Variants in GXYLT1 observed in about 807,000 individuals in gnomAD.
GXYLT1 encodes the protein glucoside xylosyltransferase 1, also known as glycosyltransferase 8 domain containing 3.
In GXYLT1, 29 loss-of-function variants were observed where a neutral mutation model predicts 54.0. The ratio of observed to expected loss-of-function variants is 0.54; its 90% CI spans 0.40 to 0.73. The LOEUF (loss-of-function observed/expected upper bound fraction) is 0.73, where lower values mean the gene tolerates loss of function less well. Ranked by LOEUF, GXYLT1 falls within the 30% of genes least tolerant of loss-of-function variation. The probability of loss-of-function intolerance (pLI) is 0.00; values close to 1 mark genes in which losing one functional copy is unlikely to be tolerated. For synonymous variants in GXYLT1, 176 were observed against 204.1 expected, an observed-to-expected ratio of 0.86 and a Z score of 1.17; for missense variants, 490 against 553.4, an observed-to-expected ratio of 0.89 and a Z score of 1.15.
Position 42,144,590 on chromosome 12 carries a change from G to A in GXYLT1, c.57C>T (p.Leu19=), listed in dbSNP as rs773347678. Residue 19 remains leucine (L), a synonymous_variant, in exon 1 of 8, where the codon CTC becomes CTT. Coordinates refer to ENST00000398675, the MANE Select transcript of GXYLT1 (RefSeq NM_173601.2). ...VLCVACGFCS[L]LYAFSQLAVS... ...CGGCGAGCTGGCTGAAAGCGTAAAG[G>A]AGCGAGCAGAAGCCGCAGGCCACAC... The A allele has an allele frequency of 3.5e-5, 52 of 1,475,204 alleles. No homozygotes were observed. Among genetic ancestry groups the A allele is most frequent in the Non-Finnish European group, 4.5e-5 (50 of 1,111,650 alleles). 91.4% of individuals were successfully genotyped at this position (1,475,204 alleles called of 1,614,324 possible).
chr12:42,097,149 G>A (rs7959852), intron 7 of GXYLT1, among the ~76,000 whole-genome samples: 79,350 of 151,528 alleles, frequency 0.52, 21,018 homozygotes, highest in South Asian at 0.69. Context: ...GTTAATAAAA[G>A]AGCGTCCTTA....
intron 4 of GXYLT1, among the ~76,000 whole-genome samples, chr12:42,109,112 G>A (rs555066097): frequency 2.0e-4 from 31 of 152,234 alleles, no homozygotes; most frequent in African/African-American, 7.2e-4. Flanking sequence ...TTCTGTTTAA[G>A]TATCAGTTAC....
chr12:42,100,494 A>G (rs2065383706), intron 5 of GXYLT1, among the ~76,000 whole-genome samples: 1 of 152,082 alleles, frequency 6.6e-6, no homozygotes, highest in African/African-American at 2.4e-5. Flanking sequence ...TATAATTTAT[A>G]TTAAATTCAG....
Position 42,144,476 on chromosome 12 carries a change from C to G in GXYLT1, c.171G>C (p.Val57=), listed in dbSNP as rs967849297. 7.6e-7 allele frequency: 1 copy of G among 1,318,106 alleles called. No individual in the cohort carries two copies. The highest frequency in any genetic ancestry group is 1.6e-5 in the African/African-American group (1 of 61,830). 81.7% of individuals were successfully genotyped at this position (1,318,106 alleles called of 1,614,324 possible). The change falls in exon 1 of 8, where the codon GTG becomes GTC. Residue 57 remains valine (V), a synonymous_variant. Transcript: ENST00000398675. The part of the protein sequence containing the change: ...SWLAGGGRGA[V]RGAGVAGPAA... ...CGGGGCCCGCGACGCCGGCGCCTCT[C>G]ACGGCGCCGCGTCCGCCGCCCGCGA...
intron 1 of GXYLT1, among the ~76,000 whole-genome samples, chr12:42,139,714 C>T (rs929555976): frequency 6.6e-6 from 1 of 152,262 alleles, no homozygotes; most frequent in Admixed American, 6.5e-5. Flanking sequence ...AAATATGTAA[C>T]GTAGATACCA....
intron 2 of GXYLT1, among the ~76,000 whole-genome samples, chr12:42,129,205 CAG>C (rs1337449105): frequency 6.6e-6 from 1 of 152,046 alleles, no homozygotes; most frequent in Non-Finnish European, 1.5e-5. Context: ...CTTCATTATC[CAG>C]AGAAGTGAAT....
intron 5 of GXYLT1, among the ~76,000 whole-genome samples, chr12:42,102,545 A>C (rs1024810881): frequency 1.3e-5 from 2 of 152,206 alleles, no homozygotes; most frequent in Non-Finnish European, 2.9e-5. Context: ...TCTTAATATA[A>C]AGCTGTATAA....
At chr12:42,120,571 C>A (rs150691245) in intron 2 of GXYLT1, among the ~76,000 whole-genome samples, 11 of 152,130 alleles carry the variant, frequency 7.2e-5, no homozygotes, top group African/African-American at 2.7e-4. Context: ...CACTCTATCA[C>A]CCATGATGGA....
intron 4 of GXYLT1, among the ~76,000 whole-genome samples, chr12:42,107,655 C>T (rs541577160): frequency 6.6e-5 from 10 of 152,068 alleles, no homozygotes; most frequent in South Asian, 4.2e-4. Context: ...TGCGCCAGTA[C>T]ACTCCAGACT....
chr12:42,142,494 A>T (rs996152221), intron 1 of GXYLT1, among the ~76,000 whole-genome samples: 1 of 151,466 alleles, frequency 6.6e-6, no homozygotes, highest in South Asian at 2.1e-4. Flanking sequence ...GAAACACCAC[A>T]TTCAGTTAAT....
intron 1 of GXYLT1, among the ~76,000 whole-genome samples, chr12:42,143,162 A>C (rs2065661344): frequency 6.6e-6 from 1 of 152,220 alleles, no homozygotes; most frequent in South Asian, 2.1e-4. Context: ...AATTTCATTC[A>C]ATATTTAATT....
intron 6 of GXYLT1, 77 bp from the exon 7 acceptor site, chr12:42,097,691 TA>T: frequency 7.7e-7 from 1 of 1,298,292 alleles, no homozygotes; most frequent in Non-Finnish European, 1.1e-6. Context: ...AACTTTCAGT[TA>T]AAAAATACAG....
At chr12:42,107,385 G>C (rs962558510) in intron 4 of GXYLT1, among the ~76,000 whole-genome samples, 3 of 152,104 alleles carry the variant, frequency 2.0e-5, no homozygotes, top group Non-Finnish European at 4.4e-5. Flanking sequence ...CTTGGTCAAA[G>C]ACCTCAACTA....
At chr12:42,121,611 G>A (rs1346430773) in intron 2 of GXYLT1, among the ~76,000 whole-genome samples, 1 of 151,854 alleles carries the variant, frequency 6.6e-6, no homozygotes, top group African/African-American at 2.4e-5. Context: ...CAGCCTGGGT[G>A]CTGGGCGATG....
chr12:42,096,610 G>A (rs7135456), intron 7 of GXYLT1, among the ~76,000 whole-genome samples: 78,126 of 152,020 alleles, frequency 0.51, 20,512 homozygotes, highest in South Asian at 0.69. Context: ...TATGTGGAAG[G>A]AGTGCTATTG....
chr12:42,118,260 T>C (rs1232538097), intron 3 of GXYLT1, among the ~76,000 whole-genome samples: 1 of 152,138 alleles, frequency 6.6e-6, no homozygotes, highest in Non-Finnish European at 1.5e-5. Context: ...AATCAAGAAT[T>C]CTCTCCTCTC....
intron 7 of GXYLT1, among the ~76,000 whole-genome samples, chr12:42,093,232 G>C (rs982300459): frequency 7.9e-5 from 12 of 151,990 alleles, no homozygotes; most frequent in African/African-American, 2.9e-4. Context: ...CAAGTAGCTG[G>C]GATTACAGGC....
intron 3 of GXYLT1, among the ~76,000 whole-genome samples, chr12:42,112,790 A>G (rs1398436174): frequency 6.6e-6 from 1 of 150,954 alleles, no homozygotes; most frequent in East Asian, 1.9e-4. Context: ...AATACAGAGA[A>G]CGCCACAAAG....
chr12:42,113,100 C>T (rs974479813), intron 3 of GXYLT1, among the ~76,000 whole-genome samples: 6 of 151,052 alleles, frequency 4.0e-5, no homozygotes, highest in African/African-American at 1.5e-4. Context: ...TTGTCACCAC[C>T]AGGCCTGCCC....
Sources: gnomAD v4.1 joint callset for allele counts (sites outside exome capture counted in the v4.1 genomes callset) on GRCh38, gnomAD v4.1.1 for gene constraint, MANE v1.5 for transcripts, NCBI Gene and HGNC (gene_info 2026-07-23, HGNC 2026-07-21) for gene names.